UNC13C: variants seen among roughly 807,000 people sequenced by gnomAD.
UNC13C encodes the protein protein unc-13 homolog C.
In UNC13C, 174 loss-of-function variants were observed where a neutral mutation model predicts 245.4. The observed-to-expected ratio is 0.71, with a 90% CI of 0.63 to 0.80. The LOEUF is 0.80. Ranked by LOEUF, UNC13C falls within the 30% of genes least tolerant of loss-of-function variation. The pLI is 0.00. For synonymous variants in UNC13C, 992 were observed against 895.1 expected (o/e 1.11, Z -1.93); for missense variants, 2,829 against 2,602.9 (o/e 1.09, Z -1.89).
chr15:54,323,587 T>C (rs1239097008), intron 14 of UNC13C, among the ~76,000 whole-genome samples: 1 of 152,020 alleles, frequency 6.6e-6, no homozygotes, highest in Non-Finnish European at 1.5e-5. Flanking sequence ...ATTTTGTCTC[T>C]CCTGCCTTAC....
intron 30 of UNC13C, among the ~76,000 whole-genome samples, chr15:54,613,499 C>G (rs1246048805): frequency 6.6e-6 from 1 of 151,788 alleles, no homozygotes; most frequent in Non-Finnish European, 1.5e-5. Flanking sequence ...TGAAATAAAA[C>G]TGTACAATGA....
chr15:54,478,038 G>C (rs944414431), intron 19 of UNC13C, among the ~76,000 whole-genome samples: 1 of 151,594 alleles, frequency 6.6e-6, no homozygotes, highest in African/African-American at 2.4e-5. Context: ...TTAGTCTTGG[G>C]AGAGTGTATG....
chr15:53,991,411 A>G (rs568953155), intron 1 of UNC13C, among the ~76,000 whole-genome samples: 10 of 152,158 alleles, frequency 6.6e-5, no homozygotes, highest in Admixed American at 1.3e-4. Context: ...TTCTTTCTAG[A>G]GCAGAAAAAG....
At chr15:54,188,556 G>C (rs1402463351) in intron 4 of UNC13C, among the ~76,000 whole-genome samples, 2 of 152,126 alleles carry the variant, frequency 1.3e-5, no homozygotes, top group African/African-American at 2.4e-5. Flanking sequence ...ACCTTATTTT[G>C]TCCCGATAAG....
At chr15:54,578,899 G>C (rs1898077889) in intron 30 of UNC13C, among the ~76,000 whole-genome samples, 1 of 152,174 alleles carries the variant, frequency 6.6e-6, no homozygotes, top group East Asian at 1.9e-4. Flanking sequence ...CTGGCTCCTG[G>C]GTGCCCGTTT....
rs771183953 is a variant in UNC13C at position 54,393,070 on chromosome 15, G to T, written c.4736G>T (p.Arg1579Leu). Residue 1579 changes from arginine (R) to leucine (L), a missense_variant, in exon 18 of 33, where the codon CGT (arginine) becomes CTT (leucine). Coordinates refer to ENST00000260323, the MANE Select transcript of UNC13C (RefSeq NM_001080534.3). ...TDPSKKQDIP[R>L]EDQGPTTKNL... ...CAGAGTAAGAAACAGGATATTCCTC[G>T]TGAAGATCAGGGACCAACCACCAAG... 6.2e-7 allele frequency: 1 copy of T among 1,606,070 alleles called. No individual in the cohort carries two copies. The highest frequency in any genetic ancestry group is 8.5e-7 in the Non-Finnish European group (1 of 1,176,952).
intron 10 of UNC13C, among the ~76,000 whole-genome samples, chr15:54,290,974 G>A (rs370758835): frequency 3.5e-4 from 54 of 152,120 alleles, no homozygotes; most frequent in African/African-American, 1.2e-3. Context: ...TGAGAGTTAA[G>A]TTTAAGATGA....
chr15:54,591,594 C>T (rs1368953269), intron 30 of UNC13C, among the ~76,000 whole-genome samples: 1 of 152,032 alleles, frequency 6.6e-6, no homozygotes, highest in African/African-American at 2.4e-5. Flanking sequence ...TCATAGTAGC[C>T]TTGAATGATC....
chr15:54,175,666 C>T (rs1192472674), intron 4 of UNC13C, among the ~76,000 whole-genome samples: 7 of 152,018 alleles, frequency 4.6e-5, no homozygotes, highest in Non-Finnish European at 1.5e-5. Flanking sequence ...GCACCCACCA[C>T]CACGCCCAGC....
In UNC13C at chr15:54,476,789, C is replaced by T. The variant is rs972515653; in HGVS notation, c.4934-17819C>T. ...TTGGCTTAGGATTGACTTGGTGATG[C>T]GGGCTCTTTTTTGGTTCCATATGAA... On this transcript the variant is annotated intron_variant, in intron 19 of 32. Coordinates refer to ENST00000260323, the MANE Select transcript of UNC13C (RefSeq NM_001080534.3). 1.1e-4 allele frequency among the ~76,000 whole-genome samples: 16 copies of T among 148,590 alleles called. No individual in the cohort carries two copies. In the South Asian group the frequency reaches 1.3e-3, roughly 12 times the overall value.
chr15:54,022,105 A>G (rs1201570348), intron 2 of UNC13C, among the ~76,000 whole-genome samples: 1 of 152,182 alleles, frequency 6.6e-6, no homozygotes, highest in Non-Finnish European at 1.5e-5. Flanking sequence ...AAGAAGTGGG[A>G]TTGGTAGATC....
chr15:54,447,404 G>C (rs1015893426), intron 19 of UNC13C, among the ~76,000 whole-genome samples: 5 of 152,072 alleles, frequency 3.3e-5, no homozygotes, highest in African/African-American at 9.7e-5. Context: ...TCTGGTCCTG[G>C]AATTTTTTTG....
chr15:54,226,616 G>T (rs763575267), intron 4 of UNC13C, among the ~76,000 whole-genome samples: 3 of 152,198 alleles, frequency 2.0e-5, no homozygotes, highest in Non-Finnish European at 4.4e-5. Context: ...ACCAGCCAAG[G>T]ACAAGCCAGG....
At chr15:54,219,912 G>A (rs1451895953) in intron 4 of UNC13C, among the ~76,000 whole-genome samples, 14 of 151,736 alleles carry the variant, frequency 9.2e-5, no homozygotes, top group Admixed American at 6.6e-5. Flanking sequence ...ACTCACACCA[G>A]TTAGAATGGC....
chr15:54,597,587 C>T (rs1899162245), intron 30 of UNC13C, among the ~76,000 whole-genome samples: 1 of 152,124 alleles, frequency 6.6e-6, no homozygotes, highest in Non-Finnish European at 1.5e-5. Context: ...CAAGAGAGTA[C>T]CCGCTGTGTA....
At chr15:53,905,564 A>G in the UNC13C span, among the ~76,000 whole-genome samples, 1 of 152,094 alleles carries the variant, frequency 6.6e-6, no homozygotes, top group African/African-American at 2.4e-5. Context: ...GTAGAATCTA[A>G]AAAAATATAA....
intron 19 of UNC13C, among the ~76,000 whole-genome samples, chr15:54,476,667 T>G (rs201932193): frequency 0.029 from 4,424 of 151,660 alleles, 172 homozygotes; most frequent in Admixed American, 0.12. Flanking sequence ...CATTGATCTA[T>G]ATCTCTGTTT....
chr15:53,884,848 C>T, the UNC13C span, among the ~76,000 whole-genome samples: 1 of 152,158 alleles, frequency 6.6e-6, no homozygotes, highest in Non-Finnish European at 1.5e-5. Context: ...GCTACTTCTC[C>T]TCCTACCAAA....
intron 29 of UNC13C, among the ~76,000 whole-genome samples, chr15:54,562,153 A>C (rs1897321506): frequency 6.6e-6 from 1 of 152,026 alleles, no homozygotes; most frequent in Non-Finnish European, 1.5e-5. Flanking sequence ...GCTGAGTTCT[A>C]TTTGAGTTCT....
Sources: gnomAD v4.1 joint callset for allele counts (sites outside exome capture counted in the v4.1 genomes callset) on GRCh38, gnomAD v4.1.1 for gene constraint, MANE v1.5 for transcripts, NCBI Gene and HGNC (gene_info 2026-07-23, HGNC 2026-07-21) for gene names.